The following CIT variants were observed in gnomAD, a reference collection of about 807,000 sequenced individuals.
The protein encoded by CIT is citron Rho-interacting kinase.
Under a neutral mutation model 272.7 loss-of-function variants are expected in CIT, and 79 were observed. The observed-to-expected ratio is 0.29, with a 90% CI of 0.24 to 0.35. CIT has a LOEUF of 0.35. Ranked by LOEUF, CIT falls within the 10% of genes least tolerant of loss-of-function variation. CIT has a pLI of 1.00. For synonymous variants in CIT, 948 were observed against 995.6 expected (o/e 0.95, Z 0.90); for missense variants, 1,909 against 2,618.3 (o/e 0.73, Z 5.91).
chr12:119,810,233 G>A (rs145859333), intron 9 of CIT, among the ~76,000 whole-genome samples: 39 of 152,254 alleles, frequency 2.6e-4, no homozygotes, highest in Middle Eastern at 3.4e-3. Context: ...ATCTCCAGGC[G>A]GATAGTGCCA....
chr12:119,795,797 T>C (rs203343), intron 10 of CIT, among the ~76,000 whole-genome samples: 35,682 of 152,136 alleles, frequency 0.23, 4,579 homozygotes, highest in East Asian at 0.46. Context: ...GGGGATAATA[T>C]CAGCTACCTC....
At chr12:119,856,493 C>T (rs1400346628) in intron 4 of CIT, among the ~76,000 whole-genome samples, 1 of 151,980 alleles carries the variant, frequency 6.6e-6, no homozygotes, top group East Asian at 1.9e-4. Context: ...CCCCTCCCCA[C>T]CCAAATGTCC....
chr12:119,848,394 C>T (rs1969969967), intron 5 of CIT, among the ~76,000 whole-genome samples: 1 of 152,142 alleles, frequency 6.6e-6, no homozygotes. Flanking sequence ...CTTACGTGAG[C>T]CTGTTTATCT....
At position 119,690,421 on chromosome 12, in the gene CIT, G is replaced by A. The variant is rs1301165297; in HGVS notation, c.5916C>T (p.Asn1972=). 13 of 1,595,248 alleles carry A rather than the reference G, an allele frequency of 8.1e-6. No homozygotes were observed. In the Admixed American group the frequency reaches 8.6e-5, roughly 10 times the overall value. Residue 1972 remains asparagine, a synonymous_variant, in exon 47 of 48, where the codon AAC becomes AAT. Transcript: ENST00000392521. This position sits in a 1 kb window ranked among gnomAD's most constrained non-coding sequence, Gnocchi z 6.0. ...SPNKRGPPTY[N]EHITKRVASS... ...AGGCCACGCGCTTGGTGATGTGCTC[G>A]TTGTACGTGGGTGGGCCTCGCTTGT... is the stretch of plus-strand genomic sequence containing the variant.
At chr12:119,853,812 ACT>A (rs1342102412) in intron 4 of CIT, among the ~76,000 whole-genome samples, 4 of 151,962 alleles carry the variant, frequency 2.6e-5, no homozygotes, top group African/African-American at 4.8e-5. Context: ...CTCACCAATG[ACT>A]CTGTCTGACC....
At chr12:119,740,440 C>T (rs1406607607) in intron 24 of CIT, among the ~76,000 whole-genome samples, 1 of 152,038 alleles carries the variant, frequency 6.6e-6, no homozygotes, top group Non-Finnish European at 1.5e-5. Context: ...AAAATAATAA[C>T]AAAATTCATT....
At chr12:119,851,754 A>AG (rs1970235485) in intron 4 of CIT, among the ~76,000 whole-genome samples, 1 of 152,244 alleles carries the variant, frequency 6.6e-6, no homozygotes, top group Non-Finnish European at 1.5e-5. Flanking sequence ...ATTACAAAGG[A>AG]GGCTGGGTGC....
rs55993032 is a variant in CIT, at chr12:119,730,552, G to A, written c.3429C>T (p.Leu1143=). The A allele has an allele frequency of 2.5e-3, 4,092 of 1,614,104 alleles. 7 individuals carry two copies. Among genetic ancestry groups the A allele is most frequent in the Non-Finnish European group, 3.2e-3 (3,809 of 1,180,000 alleles). ...GCTCTTTGAGAGCCTGCTGCAGAGC[G>A]AGAATCTCAGCCTTGTGCTCCTTCA... ...LAVKEHKAEI[L]ALQQALKEQK... Residue 1143 remains leucine, a synonymous_variant, in exon 27 of 48, where the codon CTC becomes CTT. Coordinates refer to ENST00000392521, the MANE Select transcript of CIT (RefSeq NM_001206999.2).
chr12:119,731,773 C>T (rs1284659005), intron 26 of CIT, among the ~76,000 whole-genome samples: 3 of 150,212 alleles, frequency 2.0e-5, no homozygotes, highest in African/African-American at 7.4e-5. Context: ...AGCAACCTCA[C>T]CTTGTTCTGT....
intron 4 of CIT, among the ~76,000 whole-genome samples, chr12:119,852,924 AGTT>A (rs931914661): frequency 5.9e-5 from 9 of 152,206 alleles, no homozygotes; most frequent in African/African-American, 1.9e-4. Flanking sequence ...TAAGAAAAAA[AGTT>A]GTTTATACTG....
At chr12:119,807,303 A>G (rs1005343313) in intron 9 of CIT, among the ~76,000 whole-genome samples, 1 of 152,288 alleles carries the variant, frequency 6.6e-6, no homozygotes, top group African/African-American at 2.4e-5. Context: ...AAGAGAGATT[A>G]GAGAACTACT....
intron 9 of CIT, among the ~76,000 whole-genome samples, chr12:119,809,856 A>G (rs1966795929): frequency 6.6e-6 from 1 of 152,186 alleles, no homozygotes; most frequent in Non-Finnish European, 1.5e-5. Context: ...GATCATGCCT[A>G]TCCAATGGCG....
At chr12:119,782,772 A>G (rs1964417573) in intron 12 of CIT, 135 bp from the exon 13 acceptor site, 1 of 1,125,800 alleles carries the variant, frequency 8.9e-7, no homozygotes, top group Admixed American at 2.5e-5. Flanking sequence ...CACAACTTCC[A>G]GTTGGTTGCC....
intron 5 of CIT, among the ~76,000 whole-genome samples, chr12:119,849,895 C>G (rs1970090507): frequency 6.6e-6 from 1 of 152,104 alleles, no homozygotes; most frequent in Non-Finnish European, 1.5e-5. Flanking sequence ...ACTGTGTTAG[C>G]CAGGATGGTC....
At chr12:119,863,675 C>T (rs186046899) in intron 3 of CIT, among the ~76,000 whole-genome samples, 11 of 151,880 alleles carry the variant, frequency 7.2e-5, no homozygotes, top group East Asian at 3.9e-4. Context: ...TACAAGCACA[C>T]GCCACCATGC....
At chr12:119,714,043 C>A (rs1446615695) in intron 33 of CIT, among the ~76,000 whole-genome samples, 154 bp downstream of exon 33, 3 of 152,174 alleles carry the variant, frequency 2.0e-5, no homozygotes, top group Non-Finnish European at 4.4e-5. Flanking sequence ...CTCACAGCTT[C>A]AACAGGGGAA....
In CIT at chr12:119,713,028, T is replaced by C. The variant is rs140898149; in HGVS notation, c.4579+175A>G. 2.3e-3 allele frequency: 1,506 copies of C among 657,316 alleles called. 10 individuals are homozygous for C. Among genetic ancestry groups the C allele is most frequent in the Non-Finnish European group, 3.4e-3 (1,261 of 368,956 alleles). The allele number at this position is 657,316 out of a possible 1,614,324, so 40.7% of individuals were successfully genotyped here. On this transcript the variant is annotated intron_variant, in intron 35 of 47. Transcript: ENST00000392521. This position sits in a 1 kb window ranked among gnomAD's most constrained non-coding sequence, Gnocchi z 5.2. ...GCGGGTTCTTCAGGGGGGAGACCTATAGATGTGAGTATCGCACCAATAACC... is the reference window on the plus strand; with the variant it reads ...GCGGGTTCTTCAGGGGGGAGACCTACAGATGTGAGTATCGCACCAATAACC...
At chr12:119,758,452 G>A (rs969137947) in intron 21 of CIT, 139 bp downstream of exon 21, 31 of 652,124 alleles carry the variant, frequency 4.8e-5, no homozygotes, top group African/African-American at 1.8e-4. Flanking sequence ...GCAAGATGAC[G>A]TAAGTATCTG....
rs908808949 is a variant in CIT at position 119,686,954 on chromosome 12, T to A, written c.*1278A>T. 3 of 152,684 alleles carry A rather than the reference T, an allele frequency of 2.0e-5. No homozygotes were observed. The highest frequency in any genetic ancestry group is 7.2e-5 in the African/African-American group (3 of 41,440). 9.5% of individuals were successfully genotyped at this position (152,684 alleles called of 1,614,324 possible). A position where few individuals can be genotyped will look rare whatever the true frequency, so the allele number is the denominator to read the frequency against. ...AAGGCTCATTTGGAAAGTCACAGTTTCGTGGGGTAGAACCGCGCTGGATTG... is the reference window on the plus strand; with the variant it reads ...AAGGCTCATTTGGAAAGTCACAGTTACGTGGGGTAGAACCGCGCTGGATTG... On this transcript the variant is annotated 3_prime_UTR_variant, in exon 48 of 48. Transcript: ENST00000392521.
Sources: gnomAD v4.1 joint callset for allele counts (sites outside exome capture counted in the v4.1 genomes callset) on GRCh38, gnomAD v4.1.1 for gene constraint, Gnocchi (gnomAD v3.1) non-coding constraint, MANE v1.5 for transcripts, NCBI Gene and HGNC (gene_info 2026-07-23, HGNC 2026-07-21) for gene names.